Variants in PDE10A observed in about 807,000 individuals in gnomAD.
PDE10A encodes the protein cAMP and cAMP-inhibited cGMP 3',5'-cyclic phosphodiesterase 10A.
In PDE10A, 39 loss-of-function variants were observed where a neutral mutation model predicts 97.7. That is an observed-to-expected ratio of 0.40 (90% CI 0.31 to 0.52). The LOEUF (loss-of-function observed/expected upper bound fraction) is 0.52. Ranked by LOEUF, PDE10A falls within the 20% of genes least tolerant of loss-of-function variation. The pLI is 0.56. For synonymous variants in PDE10A, 371 were observed against 376.8 expected, an observed-to-expected ratio of 0.98 and a Z score of 0.18; for missense variants, 731 against 1,047.8, an observed-to-expected ratio of 0.70 and a Z score of 4.17.
At chr6:165,824,416 G>T (rs976456684) in intron 1 of PDE10A, among the ~76,000 whole-genome samples, 1 of 152,160 alleles carries the variant, frequency 6.6e-6, no homozygotes, top group Non-Finnish European at 1.5e-5. Flanking sequence ...TTTGCTTTGG[G>T]CAACAATTAT....
chr6:165,701,733 ATGTG>A (rs1333313299), intron 1 of PDE10A, among the ~76,000 whole-genome samples: 2 of 149,514 alleles, frequency 1.3e-5, no homozygotes, highest in Non-Finnish European at 3.0e-5. Flanking sequence ...GCGTGTGTGC[ATGTG>A]TGTGTGCATG....
intron 1 of PDE10A, among the ~76,000 whole-genome samples, chr6:165,678,687 C>G (rs374395800): frequency 4.7e-4 from 71 of 152,302 alleles, no homozygotes; most frequent in African/African-American, 1.7e-3. Context: ...GGATCACAAC[C>G]CGCTTCCGCC....
intron 1 of PDE10A, among the ~76,000 whole-genome samples, chr6:165,546,474 A>G (rs933207430): frequency 2.6e-5 from 4 of 152,138 alleles, no homozygotes; most frequent in African/African-American, 9.7e-5. Context: ...ATAATGCAAC[A>G]CAAGAATCTA....
intron 1 of PDE10A, among the ~76,000 whole-genome samples, chr6:165,636,556 C>G (rs1407472314): frequency 6.6e-6 from 1 of 152,146 alleles, no homozygotes; most frequent in South Asian, 2.1e-4. Context: ...ACATTCCAGA[C>G]GTTCCACAGG....
At chr6:165,981,545 A>C (rs1269553538) in intron 1 of PDE10A, among the ~76,000 whole-genome samples, 1 of 152,166 alleles carries the variant, frequency 6.6e-6, no homozygotes, top group Admixed American at 6.5e-5. Flanking sequence ...TCCAAAGATG[A>C]GTGAGGACTG....
rs563685028 is a variant in PDE10A, at chr6:165,653,954, C to T, written c.865+7993G>A. 7.9e-5 allele frequency among the ~76,000 whole-genome samples: 12 copies of T among 152,230 alleles called. No individual in the cohort carries two copies. In the South Asian group the frequency reaches 2.5e-3, roughly 32 times the overall value. ...CTGACTTCTGGCTGCGCATCTTGAG[C>T]CTGGCGCCTCTGTCCAGGCTCTCTC... On this transcript the variant is annotated intron_variant, in intron 1 of 21. Transcript: ENST00000539869.
chr6:165,336,725 C>T (rs953346698), intron 20 of PDE10A, among the ~76,000 whole-genome samples: 6 of 139,478 alleles, frequency 4.3e-5, no homozygotes, highest in African/African-American at 8.2e-5. Flanking sequence ...GTCCGCAGTC[C>T]GGCCTGGGCG....
rs111264575 is a variant in PDE10A, at chr6:165,708,434, T to C, written c.-614-164866A>G. On this transcript the variant is annotated intron_variant, in intron 1 of 19. Transcript: ENST00000366882. ...CCCACATTTGCATCTTCATCTCCTG[T>C]CAGTGCCCTCTGCACCAGAACCCTG... Among the ~76,000 whole-genome samples the C allele has an allele frequency of 5.4e-3, 823 of 152,054 alleles. 4 individuals carry two copies. The highest frequency in any genetic ancestry group is 0.019 in the African/African-American group (781 of 41,424).
chr6:165,654,555 C>T (rs1789842103), intron 1 of PDE10A, among the ~76,000 whole-genome samples: 1 of 152,218 alleles, frequency 6.6e-6, no homozygotes, highest in South Asian at 2.1e-4. Flanking sequence ...TCTCACGTCC[C>T]CACATTCTAC....
At chr6:165,682,357 C>A (rs372125429) in intron 1 of PDE10A, among the ~76,000 whole-genome samples, 1 of 152,092 alleles carries the variant, frequency 6.6e-6, no homozygotes, top group Admixed American at 6.5e-5. Context: ...TGGTCTCAAA[C>A]TCCTGAGTTC....
chr6:165,675,927 C>G (rs139189169), intron 1 of PDE10A, among the ~76,000 whole-genome samples: 7 of 152,188 alleles, frequency 4.6e-5, no homozygotes, highest in African/African-American at 1.7e-4. Flanking sequence ...CAGGAAGATA[C>G]CTAAACTTGT....
chr6:165,692,244 A>G (rs948028992), intron 1 of PDE10A, among the ~76,000 whole-genome samples: 1 of 152,126 alleles, frequency 6.6e-6, no homozygotes, highest in African/African-American at 2.4e-5. Flanking sequence ...GAGCGCTGAT[A>G]AGTCCTATCC....
At chr6:165,813,762 A>G (rs531932900) in intron 1 of PDE10A, among the ~76,000 whole-genome samples, 13 of 148,376 alleles carry the variant, frequency 8.8e-5, no homozygotes, top group Middle Eastern at 3.4e-3. Flanking sequence ...TCCAAACTCT[A>G]TAAAACCTTG....
intron 3 of PDE10A, among the ~76,000 whole-genome samples, chr6:165,453,833 A>T (rs1777779031): frequency 6.6e-6 from 1 of 152,220 alleles, no homozygotes; most frequent in Non-Finnish European, 1.5e-5. Context: ...TACCTAGAGA[A>T]GCCCTGGGAG....
In PDE10A at chr6:165,565,883, T is replaced by C. The variant is rs181677398; in HGVS notation, c.866-22315A>G. ...CAGGAACAGCCGGACAGCCTCATGA[T>C]AGAAAATGAATATAGACACACACCT... On this transcript the variant is annotated intron_variant, in intron 1 of 21. Transcript: ENST00000539869. Among the ~76,000 whole-genome samples the C allele has an allele frequency of 3.3e-5, 5 of 152,220 alleles. No individual in the cohort carries two copies. The East Asian group carries it at 9.6e-4, about 29-fold the overall frequency.
In PDE10A at chr6:165,946,498, T is replaced by TA. The variant is rs57063900; in HGVS notation, c.-615+41030dup. ...GACAGAGCAAGACTCTATCTCAAAA[T>TA]AAAAAAAAAAAAAAAGAAAAAGAAA... On this transcript the variant is annotated intron_variant, in intron 1 of 19. Transcript: ENST00000366882. Among the ~76,000 whole-genome samples the TA allele has an allele frequency of 4.5e-3, 579 of 128,558 alleles. 5 individuals carry two copies. Among genetic ancestry groups the TA allele is most frequent in the South Asian group, 0.027 (107 of 4,026 alleles). The allele number at this position is 128,558 out of a possible 152,430, so 84.3% of individuals were successfully genotyped here.
At chr6:165,566,328 A>G (rs749832517) in intron 1 of PDE10A, among the ~76,000 whole-genome samples, 1 of 152,216 alleles carries the variant, frequency 6.6e-6, no homozygotes, top group African/African-American at 2.4e-5. Flanking sequence ...GATGCTCTAC[A>G]TTATATATCA....
At chr6:165,839,934 CTTA>C (rs1562762666) in intron 1 of PDE10A, among the ~76,000 whole-genome samples, 16 of 772 alleles carry the variant, frequency 0.021, no homozygotes, top group East Asian at 0.065. Context: ...CATCTCCATT[CTTA>C]TCTTCATTTC....
chr6:165,379,825 A>G (rs1037119218), intron 17 of PDE10A, among the ~76,000 whole-genome samples: 1 of 152,246 alleles, frequency 6.6e-6, no homozygotes, highest in Non-Finnish European at 1.5e-5. Context: ...TAACATACCA[A>G]AACATGCTTA....
Sources: allele counts gnomAD v4.1 joint callset (sites outside exome capture counted in the v4.1 genomes callset), GRCh38; gene constraint gnomAD v4.1.1; transcripts MANE v1.5; gene names NCBI Gene and HGNC (gene_info 2026-07-23, HGNC 2026-07-21).